The following EXT1 variants were observed in gnomAD, a reference collection of about 807,000 sequenced individuals.
The protein encoded by EXT1 is exostosin glycosyltransferase 1, also known as exostosin-1.
EXT1 carries 20 observed loss-of-function variants against 82.5 expected under a neutral mutation model. That is an observed-to-expected ratio of 0.24 (90% CI 0.17 to 0.35). The LOEUF (loss-of-function observed/expected upper bound fraction) is 0.35. Among genes scored for constraint, EXT1 ranks in the 10% least tolerant of loss-of-function variants. EXT1 has a pLI of 1.00. For synonymous variants in EXT1, 348 were observed against 350.8 expected (o/e 0.99, Z 0.09); for missense variants, 757 against 936.5 (o/e 0.81, Z 2.50).
chr8:117,928,512 T>A (rs902650863), intron 1 of EXT1, among the ~76,000 whole-genome samples: 1 of 152,222 alleles, frequency 6.6e-6, no homozygotes, highest in South Asian at 2.1e-4. Flanking sequence ...AAATCTTCAA[T>A]AGTTTTTATC....
At chr8:117,847,630 C>T (rs945346414) in intron 1 of EXT1, among the ~76,000 whole-genome samples, 1 of 152,150 alleles carries the variant, frequency 6.6e-6, no homozygotes, top group Non-Finnish European at 1.5e-5. Flanking sequence ...AAACCCTGCA[C>T]CAGTCCAAAA....
intron 1 of EXT1, among the ~76,000 whole-genome samples, chr8:118,030,442 T>C (rs943066740): frequency 1.3e-5 from 2 of 152,038 alleles, no homozygotes; most frequent in African/African-American, 4.8e-5. Context: ...CTCATCTAGA[T>C]ACCAGGTCTA....
At chr8:117,957,326 T>C (rs1200914210) in intron 1 of EXT1, among the ~76,000 whole-genome samples, 1 of 152,250 alleles carries the variant, frequency 6.6e-6, no homozygotes, top group Admixed American at 6.5e-5. Context: ...AGTTGCAAAC[T>C]ATGCAACCAG....
chr8:117,909,988 G>A (rs919582665), intron 1 of EXT1, among the ~76,000 whole-genome samples: 13 of 152,144 alleles, frequency 8.5e-5, no homozygotes, highest in African/African-American at 2.2e-4. Flanking sequence ...AACTGGCCTT[G>A]AACTCCTGAC....
intron 1 of EXT1, among the ~76,000 whole-genome samples, chr8:117,961,271 A>G (rs1462603732): frequency 6.6e-6 from 1 of 152,142 alleles, no homozygotes; most frequent in Non-Finnish European, 1.5e-5. Context: ...CAGCCTCCAG[A>G]ACAGCTGGGA....
At chr8:118,015,359 C>T (rs778172380) in intron 1 of EXT1, among the ~76,000 whole-genome samples, 3 of 152,110 alleles carry the variant, frequency 2.0e-5, no homozygotes, top group Non-Finnish European at 4.4e-5. Context: ...TTCTTCCCCG[C>T]AAAATGAACA....
At chr8:117,830,148 A>T (rs1243313436) in intron 4 of EXT1, 82 bp downstream of exon 4, 5 of 1,587,638 alleles carry the variant, frequency 3.1e-6, no homozygotes, top group Non-Finnish European at 4.3e-6. Context: ...CCAATCACAC[A>T]TCCCTAATAG....
intron 1 of EXT1, among the ~76,000 whole-genome samples, chr8:117,958,191 G>A (rs531621264): frequency 6.6e-6 from 1 of 152,226 alleles, no homozygotes; most frequent in South Asian, 2.1e-4. Flanking sequence ...ATAAAGTAGG[G>A]AAGAATGCCT....
At chr8:117,883,963 C>G (rs1656933762) in intron 1 of EXT1, among the ~76,000 whole-genome samples, 1 of 152,310 alleles carries the variant, frequency 6.6e-6, no homozygotes, top group South Asian at 2.1e-4. Context: ...GAGCTTTTCA[C>G]CCTCTCAACC....
At chr8:118,096,347 G>T (rs1817610430) in intron 1 of EXT1, among the ~76,000 whole-genome samples, 1 of 152,128 alleles carries the variant, frequency 6.6e-6, no homozygotes. Flanking sequence ...AAGAGGCCAG[G>T]TGCACTGGTT....
intron 1 of EXT1, among the ~76,000 whole-genome samples, chr8:117,872,532 A>G (rs1304399522): frequency 1.3e-5 from 2 of 152,252 alleles, no homozygotes; most frequent in African/African-American, 4.8e-5. Flanking sequence ...AATGAAGAGT[A>G]TCTCAATGCA....
intron 1 of EXT1, among the ~76,000 whole-genome samples, chr8:118,007,098 C>G (rs1231237735): frequency 1.3e-5 from 2 of 152,074 alleles, no homozygotes; most frequent in Non-Finnish European, 2.9e-5. Context: ...GAGATCGAGA[C>G]CATCTTGGCT....
chr8:117,827,888 T>C (rs1005890082), intron 4 of EXT1, among the ~76,000 whole-genome samples: 1 of 150,392 alleles, frequency 6.6e-6, no homozygotes, highest in African/African-American at 2.4e-5. Context: ...TAATATTGAA[T>C]CTGCACAATA....
intron 1 of EXT1, among the ~76,000 whole-genome samples, chr8:117,903,837 C>A (rs28626687): frequency 6.6e-6 from 1 of 152,078 alleles, no homozygotes; most frequent in Non-Finnish European, 1.5e-5. Flanking sequence ...ATGAATCAGG[C>A]CTTCAGCCAA....
rs73327873 is a variant in EXT1 at position 118,083,060 on chromosome 8, A to T, written c.962+27025T>A. Reference sequence around the variant, plus strand: ...TTTACACCTCTTATAGTTGATTGACAAGACCAATTGACAGTTAAACTGGTG... The same window carrying T: ...TTTACACCTCTTATAGTTGATTGACTAGACCAATTGACAGTTAAACTGGTG... On this transcript the variant is annotated intron_variant, in intron 1 of 10. Coordinates refer to ENST00000378204, the MANE Select transcript of EXT1 (RefSeq NM_000127.3). 7.9e-3 allele frequency among the ~76,000 whole-genome samples: 1,199 copies of T among 152,304 alleles called. 21 individuals carry two copies. The highest frequency in any genetic ancestry group is 0.027 in the African/African-American group (1,137 of 41,560).
chr8:118,076,023 T>A (rs192279440), intron 1 of EXT1, among the ~76,000 whole-genome samples: 1 of 152,328 alleles, frequency 6.6e-6, no homozygotes. Context: ...TACATGGTTA[T>A]GCTTTGGATA....
At chr8:118,062,164 G>A (rs1563643933) in intron 1 of EXT1, among the ~76,000 whole-genome samples, 1 of 152,086 alleles carries the variant, frequency 6.6e-6, no homozygotes, top group East Asian at 1.9e-4. Context: ...TGGTCATTAT[G>A]GTTTCTGCCT....
At position 117,842,883 on chromosome 8, in the gene EXT1, C is replaced by T. The variant is rs28357258; in HGVS notation, c.963-5682G>A. 1.5e-3 allele frequency among the ~76,000 whole-genome samples: 236 copies of T among 152,306 alleles called. 1 individual carries two copies. In the East Asian group the frequency reaches 0.017, roughly 11 times the overall value. On this transcript the variant is annotated intron_variant, in intron 1 of 10. Coordinates refer to ENST00000378204, the MANE Select transcript of EXT1 (RefSeq NM_000127.3). ...TAGCACGCATATTTGCCAAGTGAACCTGCTTTTTGCTAACCAAAGACGATA... is the reference window on the plus strand; with the variant it reads ...TAGCACGCATATTTGCCAAGTGAACTTGCTTTTTGCTAACCAAAGACGATA...
At chr8:118,057,581 A>T (rs1342578816) in intron 1 of EXT1, among the ~76,000 whole-genome samples, 1 of 152,018 alleles carries the variant, frequency 6.6e-6, no homozygotes, top group Non-Finnish European at 1.5e-5. Context: ...GAAGAAAGAA[A>T]AGGCAGTCTT....
Sources: gnomAD v4.1 joint callset for allele counts (sites outside exome capture counted in the v4.1 genomes callset) on GRCh38, gnomAD v4.1.1 for gene constraint, MANE v1.5 for transcripts, NCBI Gene and HGNC (gene_info 2026-07-23, HGNC 2026-07-21) for gene names.